Variants in PLCH1 observed in about 807,000 individuals in gnomAD.
PLCH1 encodes phospholipase C eta 1, also known as 1-phosphatidylinositol 4,5-bisphosphate phosphodiesterase eta-1.
A neutral mutation model predicts 126.7 loss-of-function variants in PLCH1; 60 were observed. The ratio of observed to expected loss-of-function variants is 0.47; its 90% confidence interval spans 0.38 to 0.59. The LOEUF (loss-of-function observed/expected upper bound fraction) is 0.59, where lower values mean the gene tolerates loss of function less well. Ranked by LOEUF, PLCH1 falls within the 20% of genes least tolerant of loss-of-function variation. The probability of loss-of-function intolerance (pLI) is 0.00; values close to 1 mark genes in which losing one functional copy is unlikely to be tolerated. For missense variants in PLCH1, 1,723 were observed against 2,040.0 expected, an observed-to-expected ratio of 0.84 and a Z score of 2.99; for synonymous variants, 719 against 734.9, an observed-to-expected ratio of 0.98 and a Z score of 0.35.
intron 22 of PLCH1, among the ~76,000 whole-genome samples, chr3:155,485,068 C>A (rs1323444306): frequency 6.6e-6 from 1 of 152,028 alleles, no homozygotes; most frequent in Non-Finnish European, 1.5e-5. Context: ...ATTTCAAATC[C>A]TATTTTGCAG....
intron 2 of PLCH1, among the ~76,000 whole-genome samples, chr3:155,677,594 T>C (rs1329979776): frequency 6.6e-6 from 1 of 152,236 alleles, no homozygotes; most frequent in Non-Finnish European, 1.5e-5. Context: ...TTTACTTAAA[T>C]TCTCTGCTCC....
intron 8 of PLCH1, among the ~76,000 whole-genome samples, chr3:155,563,855 G>A (rs112054447): frequency 0.018 from 2,677 of 151,856 alleles, 79 homozygotes; most frequent in African/African-American, 0.061. Context: ...ATTTTACCTC[G>A]CACTTCATTC....
intron 2 of PLCH1, among the ~76,000 whole-genome samples, chr3:155,687,513 G>A (rs200699127): frequency 6.6e-6 from 1 of 152,050 alleles, no homozygotes; most frequent in African/African-American, 2.4e-5. Flanking sequence ...CAGAAACATG[G>A]TGCCTACAGT....
intron 2 of PLCH1, among the ~76,000 whole-genome samples, chr3:155,699,841 C>CACACACACACACACACACACAG (rs1746129510): frequency 6.6e-6 from 1 of 151,996 alleles, no homozygotes; most frequent in African/African-American, 2.4e-5. Context: ...CACACACACA[C>CACACACACACACACACACACAG]ACACACACCA....
chr3:155,577,672 A>G (rs928008706), intron 6 of PLCH1, among the ~76,000 whole-genome samples: 2 of 152,216 alleles, frequency 1.3e-5, no homozygotes, highest in African/African-American at 4.8e-5. Flanking sequence ...ACAGTTAATC[A>G]TCTGCCAGGA....
chr3:155,669,119 G>T (rs1743118001), intron 2 of PLCH1, among the ~76,000 whole-genome samples: 2 of 151,270 alleles, frequency 1.3e-5, no homozygotes, highest in Admixed American at 1.3e-4. Context: ...CGAGGAGTGG[G>T]CATCACCACT....
chr3:155,699,852 C>T (rs1746134102), intron 2 of PLCH1, among the ~76,000 whole-genome samples: 1 of 93,338 alleles, frequency 1.1e-5, no homozygotes, highest in African/African-American at 6.4e-5. Context: ...ACACACACCA[C>T]TACCTCTCTC....
intron 12 of PLCH1, among the ~76,000 whole-genome samples, chr3:155,511,875 T>C (rs1346230790): frequency 2.6e-5 from 4 of 152,068 alleles, no homozygotes; most frequent in Non-Finnish European, 4.4e-5. Context: ...TGTGGTGGGC[T>C]CCACCCAGTT....
intron 10 of PLCH1, among the ~76,000 whole-genome samples, chr3:155,530,934 A>G (rs4679751): frequency 0.19 from 28,423 of 152,204 alleles, 3,267 homozygotes; most frequent in African/African-American, 0.32. Flanking sequence ...CATGAAAACA[A>G]CATTAATCTA....
chr3:155,699,786 T>C (rs900805298), intron 2 of PLCH1, among the ~76,000 whole-genome samples: 16 of 145,906 alleles, frequency 1.1e-4, no homozygotes, highest in Admixed American at 3.4e-4. Context: ...GTCCTAGATA[T>C]TGGTCTCTCC....
intron 2 of PLCH1, among the ~76,000 whole-genome samples, chr3:155,673,048 C>CTTTTTTTT (rs66672315): frequency 5.9e-5 from 4 of 68,238 alleles, no homozygotes; most frequent in African/African-American, 2.0e-4. Context: ...CTTCTGTTGC[C>CTTTTTTTT]TTTTTTTTTT....
chr3:155,658,552 T>C (rs1459975558), intron 2 of PLCH1: 1 of 152,146 alleles, frequency 6.6e-6, no homozygotes, highest in Non-Finnish European at 1.5e-5. Flanking sequence ...ACTAAAATAA[T>C]CAAAGCTGAT....
At chr3:155,543,138 G>C (rs1476009430) in intron 10 of PLCH1, among the ~76,000 whole-genome samples, 1 of 152,014 alleles carries the variant, frequency 6.6e-6, no homozygotes, top group Non-Finnish European at 1.5e-5. Flanking sequence ...TGAAAACTTT[G>C]AAAAAAATTT....
intron 4 of PLCH1, among the ~76,000 whole-genome samples, chr3:155,586,740 G>A (rs778826257): frequency 6.6e-5 from 10 of 152,154 alleles, no homozygotes; most frequent in Admixed American, 1.3e-4. Flanking sequence ...CCTCCATTGC[G>A]AAATGAGAGT....
intron 10 of PLCH1, among the ~76,000 whole-genome samples, chr3:155,546,941 A>G: frequency 7.2e-6 from 1 of 139,348 alleles, no homozygotes; most frequent in East Asian, 2.0e-4. Context: ...AAACCCTAGA[A>G]GAAAACCTAG....
intron 8 of PLCH1, among the ~76,000 whole-genome samples, chr3:155,556,949 T>C (rs1377808376): frequency 6.6e-6 from 1 of 152,040 alleles, no homozygotes; most frequent in Non-Finnish European, 1.5e-5. Flanking sequence ...ATTAATCCAC[T>C]AAACACTGGC....
intron 18 of PLCH1, among the ~76,000 whole-genome samples, chr3:155,492,222 A>C (rs553514404): frequency 5.9e-5 from 9 of 152,294 alleles, no homozygotes; most frequent in Admixed American, 5.9e-4. Flanking sequence ...AATGGAAACA[A>C]TGGGCTAAGA....
chr3:155,645,514 T>A (rs751947640), intron 2 of PLCH1, among the ~76,000 whole-genome samples: 5 of 152,206 alleles, frequency 3.3e-5, no homozygotes, highest in Non-Finnish European at 5.9e-5. Context: ...TCTTGCTCTG[T>A]TGCCTAGGCT....
At chr3:155,475,598 C>T (rs1459990865), downstream of PLCH1, among the ~76,000 whole-genome samples, 2 of 151,714 alleles carry the variant, frequency 1.3e-5, no homozygotes, top group Non-Finnish European at 2.9e-5. Context: ...AGAGAAGATC[C>T]AAATAAATAA....
Sources: allele counts gnomAD v4.1 joint callset (sites outside exome capture counted in the v4.1 genomes callset), GRCh38; gene constraint gnomAD v4.1.1; transcripts MANE v1.5; gene names NCBI Gene and HGNC (gene_info 2026-07-23, HGNC 2026-07-21).